The following PICK1 variants were observed in gnomAD, a reference collection of about 807,000 sequenced individuals.
PICK1 encodes the protein PRKCA-binding protein.
In PICK1, 23 loss-of-function variants were observed where a neutral mutation model predicts 48.9. That is an observed-to-expected ratio of 0.47 (90% CI 0.34 to 0.67). The LOEUF (loss-of-function observed/expected upper bound fraction) is 0.67. PICK1 is among the 30% of genes least tolerant of loss of function. PICK1 has a pLI of 0.01. For synonymous variants in PICK1, 217 were observed against 228.2 expected (o/e 0.95, Z 0.44); for missense variants, 423 against 557.1 (o/e 0.76, Z 2.42).
Position 38,075,274 on chromosome 22 carries a change from A to G in PICK1, c.*142A>G, listed in dbSNP as rs2085814549. On this transcript the variant is annotated 3_prime_UTR_variant, in exon 13 of 13. Transcript: ENST00000356976. ...CCTCCCTGCTCCTCTGTCCTCGCAC[A>G]GCGAACCTGGGCTCCTGCCCAGGAC... is the stretch of plus-strand genomic sequence containing the variant. The G allele has an allele frequency of 2.5e-6, 2 of 807,490 alleles. No homozygotes were observed. Among genetic ancestry groups the G allele is most frequent in the African/African-American group, 3.5e-5 (2 of 57,544 alleles). The allele number at this position is 807,490 out of a possible 1,614,324, so 50.0% of individuals were successfully genotyped here.
chr22:38,064,481 G>A lies in PICK1; in HGVS notation c.154-521G>A, dbSNP rs56323207. On this transcript the variant is annotated intron_variant, in intron 3 of 12. Transcript: ENST00000356976. The stretch of plus-strand genomic sequence containing the variant: ...CCCTTGTCAAAAATCATTTGATGCC[G>A]CCGGGCACGGTGGCTCACACCTGTA... 2.9e-3 allele frequency among the ~76,000 whole-genome samples: 442 copies of A among 152,176 alleles called. 7 individuals are homozygous for A. Among genetic ancestry groups the A allele is most frequent in the African/African-American group, 3.3e-3 (139 of 41,542 alleles).
In PICK1 at chr22:38,066,952, C is replaced by T. The variant is rs1042728302; in HGVS notation, c.283-752C>T. Among the ~76,000 whole-genome samples the T allele has an allele frequency of 6.6e-6, 1 of 152,184 alleles. No individual in the cohort carries two copies. The highest frequency in any genetic ancestry group is 2.4e-5 in the African/African-American group (1 of 41,436). On this transcript the variant is annotated intron_variant, in intron 4 of 12. Transcript: ENST00000356976. The surrounding 1 kb of genome is among the most constrained non-coding windows in gnomAD (Gnocchi z 4.1). ...GGGGCTGGGGCTGCCCCTGCCCCTCCCCTTGGTGCCCCAGCACCAGGCACA... is the reference window on the plus strand; with the variant it reads ...GGGGCTGGGGCTGCCCCTGCCCCTCTCCTTGGTGCCCCAGCACCAGGCACA...
chr22:38,071,635 G>A, intron 7 of PICK1, 47 bp from the exon 8 acceptor site: 1 of 1,561,622 alleles, frequency 6.4e-7, no homozygotes, highest in South Asian at 1.1e-5. Context: ...GGCCAGTGTG[G>A]TCCCCGCCAT....
chr22:38,071,266 C>A (rs1006451438), intron 7 of PICK1, among the ~76,000 whole-genome samples: 3 of 152,126 alleles, frequency 2.0e-5, no homozygotes, highest in African/African-American at 7.2e-5. Flanking sequence ...ATCGCTTGAA[C>A]CAGGGAGGCA....
In PICK1 at chr22:38,073,289, G is replaced by T. The variant is rs2085748024; in HGVS notation, c.783+197G>T. 6.6e-6 allele frequency among the ~76,000 whole-genome samples: 1 copy of T among 152,252 alleles called. No homozygotes were observed. The highest frequency in any genetic ancestry group is 1.5e-5 in the Non-Finnish European group (1 of 68,042). On this transcript the variant is annotated intron_variant, in intron 10 of 12. Coordinates refer to ENST00000356976, the MANE Select transcript of PICK1 (RefSeq NM_012407.4). This position sits in a 1 kb window ranked among gnomAD's most constrained non-coding sequence, Gnocchi z 5.7. ...ACAAAGAAGCATCTGAGAGCCTGGG[G>T]CGGGCATGGCTCTCGCTGTGTGCAC...
chr22:38,061,665 C>T (rs758366691), intron 3 of PICK1, among the ~76,000 whole-genome samples: 18 of 152,100 alleles, frequency 1.2e-4, no homozygotes, highest in Non-Finnish European at 2.1e-4. Context: ...ATTACAGGCA[C>T]GTGCCACCAA....
At chr22:38,071,637 C>T (rs2085695808) in intron 7 of PICK1, 45 bp from the exon 8 acceptor site, 1 of 1,569,882 alleles carries the variant, frequency 6.4e-7, no homozygotes, top group Non-Finnish European at 8.8e-7. Flanking sequence ...CCAGTGTGGT[C>T]CCCGCCATGC....
At chr22:38,068,978 C>T in intron 5 of PICK1, 55 bp from the exon 6 acceptor site, 1 of 1,422,138 alleles carries the variant, frequency 7.0e-7, no homozygotes, top group Non-Finnish European at 9.8e-7. Flanking sequence ...AGGCTGGGGG[C>T]AGGGATGGCC....
chr22:38,065,001 G>A lies in PICK1; in HGVS notation c.154-1G>A. 2 of 1,613,978 alleles carry A rather than the reference G, an allele frequency of 1.2e-6. No individual in the cohort carries two copies. Among genetic ancestry groups the A allele is most frequent in the Non-Finnish European group, 1.7e-6 (2 of 1,179,960 alleles). ...CCACCACTCTCCTTATGCACCCACA[G>A]GTATTTGACAACACCCCAGCAGCCT... On this transcript the variant is annotated splice_acceptor_variant, in intron 3 of 12. Coordinates refer to ENST00000356976, the MANE Select transcript of PICK1 (RefSeq NM_012407.4). LOFTEE classifies it high-confidence loss of function.
At position 38,075,191 on chromosome 22, in the gene PICK1, G is replaced by C; in HGVS notation, c.*59G>C. 1 of 1,531,898 alleles carries C rather than the reference G, an allele frequency of 6.5e-7. No individual in the cohort carries two copies. Among genetic ancestry groups the C allele is most frequent in the East Asian group, 2.3e-5 (1 of 43,840 alleles). 94.9% of individuals were successfully genotyped at this position (1,531,898 alleles called of 1,614,324 possible). ...CGTGGGAGGACGGAGCCTGGGAGCG[G>C]GGCGGGGCCGCCGCGCAAGGGGGCG... On this transcript the variant is annotated 3_prime_UTR_variant, in exon 13 of 13. Transcript: ENST00000356976.
intron 4 of PICK1, among the ~76,000 whole-genome samples, chr22:38,065,569 A>G (rs115226956): frequency 0.012 from 1,879 of 152,170 alleles, 38 homozygotes; most frequent in African/African-American, 0.043. Context: ...CCCTTTCCCC[A>G]TCCTGTAGGA....
chr22:38,066,180 G>A lies in PICK1; in HGVS notation c.282+1050G>A, dbSNP rs2085519711. ...AGCTCTGTTGTAAAAAAAGGAAGCA[G>A]CAAGGTTCATTGAGACCCCACAGCT... On this transcript the variant is annotated intron_variant, in intron 4 of 12. Coordinates refer to ENST00000356976, the MANE Select transcript of PICK1 (RefSeq NM_012407.4). The surrounding 1 kb of genome is among the most constrained non-coding windows in gnomAD (Gnocchi z 4.1). 6.6e-6 allele frequency among the ~76,000 whole-genome samples: 1 copy of A among 152,166 alleles called. No individual in the cohort carries two copies. Among genetic ancestry groups the A allele is most frequent in the African/African-American group, 2.4e-5 (1 of 41,424 alleles).
At chr22:38,067,643 G>T in intron 4 of PICK1, 61 bp from the exon 5 acceptor site, 1 of 1,464,984 alleles carries the variant, frequency 6.8e-7, no homozygotes, top group Non-Finnish European at 9.6e-7. Flanking sequence ...AACAGTCTTG[G>T]CTGGGAAGGG....
chr22:38,058,932 G>A (rs1238632071), intron 2 of PICK1, among the ~76,000 whole-genome samples: 1 of 152,164 alleles, frequency 6.6e-6, no homozygotes, highest in Non-Finnish European at 1.5e-5. Flanking sequence ...ACTTGAACCC[G>A]GGAGGCGGAG....
intron 3 of PICK1, among the ~76,000 whole-genome samples, chr22:38,064,117 A>G (rs1601942979): frequency 6.6e-6 from 1 of 152,086 alleles, no homozygotes; most frequent in South Asian, 2.1e-4. Flanking sequence ...GAGTGCAGTG[A>G]CATGATCTCG....
chr22:38,072,913 C>A, intron 9 of PICK1, 87 bp from the exon 10 acceptor site: 1 of 939,628 alleles, frequency 1.1e-6, no homozygotes, highest in Non-Finnish European at 1.8e-6. Flanking sequence ...TCGAGTCCAC[C>A]AACAAGGGTG....
Position 38,067,740 on chromosome 22 carries a change from G to T in PICK1, c.319G>T (p.Asp107Tyr). 1 of 1,614,052 alleles carries T rather than the reference G, an allele frequency of 6.2e-7. No homozygotes were observed. The highest frequency in any genetic ancestry group is 8.5e-7 in the Non-Finnish European group (1 of 1,179,940). ...VTIHYNKLQA[D>Y]PKQGMSLDIV... ...CATCCACTACAACAAGCTGCAGGCG[G>T]ACCCCAAGCAGGGCATGTCCCTGGA... is the stretch of plus-strand genomic sequence containing the variant. Residue 107 changes from aspartate (D) to tyrosine (Y), a missense_variant, in exon 5 of 13, where the codon GAC (aspartate) becomes TAC (tyrosine). Coordinates refer to ENST00000356976, the MANE Select transcript of PICK1 (RefSeq NM_012407.4).
chr22:38,063,074 A>G (rs1344510585), intron 3 of PICK1, among the ~76,000 whole-genome samples: 5 of 151,786 alleles, frequency 3.3e-5, no homozygotes, highest in African/African-American at 1.2e-4. Context: ...CCTTCTTGTC[A>G]TGTATCTCGA....
At position 38,073,977 on chromosome 22, in the gene PICK1, G is replaced by T; in HGVS notation, c.834+154G>T. ...GCCATCTTCCCAGTCCCGCTCGCTG[G>T]GCCTCGGGGTGCTGGGCACCCGGCC... On this transcript the variant is annotated intron_variant, in intron 11 of 12. Transcript: ENST00000356976. This position sits in a 1 kb window ranked among gnomAD's most constrained non-coding sequence, Gnocchi z 5.7. 1 of 777,264 alleles carries T rather than the reference G, an allele frequency of 1.3e-6. No individual in the cohort carries two copies. Among genetic ancestry groups the T allele is most frequent in the Non-Finnish European group, 2.2e-6 (1 of 464,864 alleles). The allele number at this position is 777,264 out of a possible 1,614,324, so 48.1% of individuals were successfully genotyped here.
Sources: gnomAD v4.1 joint callset for allele counts (sites outside exome capture counted in the v4.1 genomes callset) on GRCh38, gnomAD v4.1.1 for gene constraint, Gnocchi (gnomAD v3.1) non-coding constraint, MANE v1.5 for transcripts, NCBI Gene and HGNC (gene_info 2026-07-23, HGNC 2026-07-21) for gene names.